SMURF2: variants seen among roughly 807,000 people sequenced by gnomAD.
SMURF2 encodes SMAD specific E3 ubiquitin protein ligase 2, also known as E3 ubiquitin-protein ligase SMURF2.
SMURF2 carries 48 observed loss-of-function variants against 109.6 expected under a neutral mutation model. The observed-to-expected ratio is 0.44, with a 90% CI of 0.35 to 0.56. The LOEUF (loss-of-function observed/expected upper bound fraction) is 0.56, where lower values mean the gene tolerates loss of function less well. Ranked by LOEUF, SMURF2 falls within the 20% of genes least tolerant of loss-of-function variation. The probability of loss-of-function intolerance (pLI) is 0.01; values close to 1 mark genes in which losing one functional copy is unlikely to be tolerated. For synonymous variants in SMURF2, 288 were observed against 317.1 expected (o/e 0.91, Z 0.97); for missense variants, 575 against 909.0 (o/e 0.63, Z 4.72).
intron 1 of SMURF2, among the ~76,000 whole-genome samples, chr17:64,654,882 G>C (rs1429268348): frequency 6.6e-6 from 1 of 151,868 alleles, no homozygotes; most frequent in Admixed American, 6.6e-5. Flanking sequence ...TCACTATGTT[G>C]CCCAGGCTGG....
intron 9 of SMURF2, among the ~76,000 whole-genome samples, chr17:64,576,691 C>T (rs546694069): frequency 2.5e-4 from 38 of 151,888 alleles, no homozygotes; most frequent in Middle Eastern, 3.4e-3. Flanking sequence ...AATTAAATTA[C>T]GTTGTTTTCT....
chr17:64,581,073 G>C lies in SMURF2; in HGVS notation c.570-82C>G. On this transcript the variant is annotated intron_variant, in intron 7 of 18. Coordinates refer to ENST00000262435, the MANE Select transcript of SMURF2 (RefSeq NM_022739.4). This position sits in a 1 kb window ranked among gnomAD's most constrained non-coding sequence, Gnocchi z 4.3. ...CTCTAGACAATATATATATACTGCA[G>C]TAACAACCACTTATCATGTCTGAAA... 8.2e-7 allele frequency: 1 copy of C among 1,217,334 alleles called. No homozygotes were observed. Among genetic ancestry groups the C allele is most frequent in the Non-Finnish European group, 1.2e-6 (1 of 841,346 alleles). The allele number at this position is 1,217,334 out of a possible 1,614,324, so 75.4% of individuals were successfully genotyped here. A position where few individuals can be genotyped will look rare whatever the true frequency, so the allele number is the denominator to read the frequency against.
At chr17:64,630,595 G>A (rs1413855360) in intron 1 of SMURF2, among the ~76,000 whole-genome samples, 1 of 152,132 alleles carries the variant, frequency 6.6e-6, no homozygotes, top group African/African-American at 2.4e-5. Flanking sequence ...AGGCTCTACT[G>A]GGGACAACTA....
chr17:64,546,032 A>G, intron 18 of SMURF2, 85 bp from the exon 19 acceptor site: 1 of 938,320 alleles, frequency 1.1e-6, no homozygotes, highest in East Asian at 2.4e-5. Context: ...TAGCCACATC[A>G]CTCTGTGTCA....
At chr17:64,586,750 C>CAAA (rs782490512) in intron 5 of SMURF2, among the ~76,000 whole-genome samples, 314 of 27,358 alleles carry the variant, frequency 0.011, 16 homozygotes, top group African/African-American at 0.034. Flanking sequence ...GACTCCGTCT[C>CAAA]AAAAAAAAAA....
At position 64,547,577 on chromosome 17, in the gene SMURF2, T is replaced by C. The variant is rs1454029141; in HGVS notation, c.2071+23A>G. The C allele has an allele frequency of 1.9e-6, 3 of 1,567,348 alleles. No homozygotes were observed. In the East Asian group the frequency reaches 6.8e-5, roughly 36 times the overall value. On this transcript the variant is annotated intron_variant, in intron 17 of 18. Transcript: ENST00000262435. This position sits in a 1 kb window ranked among gnomAD's most constrained non-coding sequence, Gnocchi z 4.2. Reference sequence around the variant, plus strand: ...GCCCCGCCCCCACCCGCTGCCCAGCTTGCCTGCACCTCAGGCTGTTACCTT... The same window carrying C: ...GCCCCGCCCCCACCCGCTGCCCAGCCTGCCTGCACCTCAGGCTGTTACCTT...
intron 1 of SMURF2, among the ~76,000 whole-genome samples, chr17:64,622,661 A>C (rs375012443): frequency 6.6e-6 from 1 of 152,330 alleles, no homozygotes; most frequent in South Asian, 2.1e-4. Context: ...TCATAACATC[A>C]TATCAAGGGT....
intron 2 of SMURF2, 47 bp from the exon 3 acceptor site, chr17:64,598,537 G>A (rs782623947): frequency 8.9e-6 from 13 of 1,459,562 alleles, no homozygotes; most frequent in Non-Finnish European, 1.2e-5. Context: ...ATTTAAGATA[G>A]AAGATTAATT....
At chr17:64,589,876 T>C (rs565712997) in intron 5 of SMURF2, among the ~76,000 whole-genome samples, 1 of 152,250 alleles carries the variant, frequency 6.6e-6, no homozygotes, top group Non-Finnish European at 1.5e-5. Context: ...ACCCCCAGCC[T>C]GGTCTATGGA....
Position 64,621,475 on chromosome 17 carries a change from G to A in SMURF2, c.53-14835C>T, listed in dbSNP as rs557832903. On this transcript the variant is annotated intron_variant, in intron 1 of 18. Coordinates refer to ENST00000262435, the MANE Select transcript of SMURF2 (RefSeq NM_022739.4). ...TGTGCCTGTAGTCCCAGCTACTCAG[G>A]AGGCTGAGGCAGGAGAATCGCTTGA... Among the ~76,000 whole-genome samples the A allele has an allele frequency of 1.2e-4, 19 of 152,164 alleles. No individual in the cohort carries two copies. In the East Asian group the frequency reaches 3.7e-3, roughly 29 times the overall value.
At chr17:64,590,653 T>C (rs1969738021) in intron 5 of SMURF2, among the ~76,000 whole-genome samples, 1 of 152,226 alleles carries the variant, frequency 6.6e-6, no homozygotes, top group South Asian at 2.1e-4. Flanking sequence ...CTTTTTCCAG[T>C]GTTACACTAC....
chr17:64,608,038 T>TAAATA (rs1356937511), intron 1 of SMURF2, among the ~76,000 whole-genome samples: 1 of 150,578 alleles, frequency 6.6e-6, no homozygotes, highest in African/African-American at 2.4e-5. Flanking sequence ...AATAAATAAA[T>TAAATA]AAATAAATCT....
Position 64,591,157 on chromosome 17 carries a change from A to C in SMURF2, c.335-8T>G. On this transcript the variant is annotated splice_polypyrimidine_tract_variant and splice_region_variant and intron_variant, in intron 4 of 18. Coordinates refer to ENST00000262435, the MANE Select transcript of SMURF2 (RefSeq NM_022739.4). ...ATAAATCCAACCTCTGATCTATTTG[A>C]AGTCAACAAAGAAAGCAACGAAAAA... is the stretch of plus-strand genomic sequence containing the variant. 6.2e-7 allele frequency: 1 copy of C among 1,611,060 alleles called. No homozygotes were observed. Among genetic ancestry groups the C allele is most frequent in the South Asian group, 1.1e-5 (1 of 90,576 alleles).
chr17:64,567,680 A>G (rs1265154069), intron 10 of SMURF2, among the ~76,000 whole-genome samples: 2 of 152,068 alleles, frequency 1.3e-5, no homozygotes, highest in Non-Finnish European at 2.9e-5. Context: ...AAAAAATCTC[A>G]TAATGTTTTG....
chr17:64,652,852 C>A lies in SMURF2; in HGVS notation c.52+8977G>T, dbSNP rs191570632. On this transcript the variant is annotated intron_variant, in intron 1 of 18. Transcript: ENST00000262435. ...AAAGTATTTTCAACAAATAGGGCTA[C>A]AAAAATAGAATATCCATATGAAAAA... Among the ~76,000 whole-genome samples, 68 of 151,714 alleles carry A rather than the reference C, an allele frequency of 4.5e-4. No homozygotes were observed. The East Asian group carries it at 0.012, about 28-fold the overall frequency.
At chr17:64,566,561 G>GTTTTTTT (rs1164717270) in intron 10 of SMURF2, among the ~76,000 whole-genome samples, 1,827 of 43,742 alleles carry the variant, frequency 0.042, 513 homozygotes, top group East Asian at 0.053. Flanking sequence ...AAGCTTTCTG[G>GTTTTTTT]TTTTTTTTTT....
At chr17:64,578,675 C>T in intron 8 of SMURF2, 99 bp from the exon 9 acceptor site, 1 of 692,426 alleles carries the variant, frequency 1.4e-6, no homozygotes, top group Non-Finnish European at 2.5e-6. Flanking sequence ...GAAAAATCTC[C>T]AAATTACCAA....
At chr17:64,638,056 CTTTTTCT>C (rs1400726639) in intron 1 of SMURF2, among the ~76,000 whole-genome samples, 3 of 128,978 alleles carry the variant, frequency 2.3e-5, no homozygotes, top group Non-Finnish European at 4.8e-5. Context: ...TTTTTTTTTC[CTTTTTCT>C]TTTTTTTTTT....
At chr17:64,546,166 T>C in intron 18 of SMURF2, 97 bp downstream of exon 18, 1 of 1,214,630 alleles carries the variant, frequency 8.2e-7, no homozygotes. Context: ...TAAAGGCCCA[T>C]TTAACACTAG....
Sources: gnomAD v4.1 joint callset for allele counts (sites outside exome capture counted in the v4.1 genomes callset) on GRCh38, gnomAD v4.1.1 for gene constraint, Gnocchi (gnomAD v3.1) non-coding constraint, MANE v1.5 for transcripts, NCBI Gene and HGNC (gene_info 2026-07-23, HGNC 2026-07-21) for gene names.